Variants in CDH13 observed in about 807,000 individuals in gnomAD.
CDH13 encodes cadherin 13.
In CDH13, 24 loss-of-function variants were observed where a neutral mutation model predicts 63.8. That is an observed-to-expected ratio of 0.38 (90% CI 0.27 to 0.53). The LOEUF is 0.53. Ranked by LOEUF, CDH13 falls within the 20% of genes least tolerant of loss-of-function variation. The probability of loss-of-function intolerance (pLI) is 0.85; values close to 1 mark genes in which losing one functional copy is unlikely to be tolerated. For missense variants in CDH13, 1,049 were observed against 903.1 expected (o/e 1.16, Z -2.07); for synonymous variants, 503 against 355.3 (o/e 1.42, Z -4.67).
chr16:83,661,399 C>T lies in CDH13; in HGVS notation c.1102-9391C>T, dbSNP rs376224796. Among the ~76,000 whole-genome samples the T allele has an allele frequency of 4.0e-5, 6 of 151,560 alleles. No homozygotes were observed. In the East Asian group the frequency reaches 1.2e-3, roughly 29 times the overall value. On this transcript the variant is annotated intron_variant, in intron 8 of 13. Coordinates refer to ENST00000567109, the MANE Select transcript of CDH13 (RefSeq NM_001257.5). ...TAGGGATGCTGAGGCACAAGGATCA[C>T]TTGCACTTAGGAGGTCAAGGCTGCA...
intron 1 of CDH13, among the ~76,000 whole-genome samples, chr16:82,671,911 C>G (rs1256507149): frequency 6.6e-6 from 1 of 152,150 alleles, no homozygotes. Context: ...TGGCCAGCAT[C>G]ATTTCTCTGT....
intron 7 of CDH13, among the ~76,000 whole-genome samples, chr16:83,579,964 G>C (rs547706869): frequency 2.4e-4 from 36 of 152,224 alleles, no homozygotes; most frequent in African/African-American, 8.4e-4. Flanking sequence ...GGCTGTCCCA[G>C]GCAAAGGGAA....
intron 6 of CDH13, among the ~76,000 whole-genome samples, chr16:83,468,391 C>T (rs2073370697): frequency 1.3e-5 from 2 of 152,162 alleles, no homozygotes; most frequent in Non-Finnish European, 2.9e-5. Context: ...AGAGACCTCC[C>T]CTAGAGTGTC....
chr16:82,939,546 A>T (rs757868708), intron 2 of CDH13, among the ~76,000 whole-genome samples: 3 of 152,120 alleles, frequency 2.0e-5, no homozygotes, highest in Non-Finnish European at 4.4e-5. Context: ...ACCTAAAGCG[A>T]ATACTCAGGT....
At chr16:82,889,061 T>G (rs2040987282) in intron 2 of CDH13, among the ~76,000 whole-genome samples, 1 of 152,232 alleles carries the variant, frequency 6.6e-6, no homozygotes, top group African/African-American at 2.4e-5. Context: ...AGCTACTCTG[T>G]GAAGCCTTCT....
intron 10 of CDH13, among the ~76,000 whole-genome samples, chr16:83,746,045 G>A (rs1158513357): frequency 2.6e-5 from 4 of 152,180 alleles, no homozygotes; most frequent in African/African-American, 7.2e-5. Context: ...GTTGGTTTGT[G>A]CCTCAGAGTC....
intron 10 of CDH13, among the ~76,000 whole-genome samples, chr16:83,703,104 G>C (rs1906496071): frequency 6.6e-6 from 1 of 152,208 alleles, no homozygotes; most frequent in Non-Finnish European, 1.5e-5. Flanking sequence ...TTTGAATAGA[G>C]CTGCATCCCT....
At chr16:83,496,485 C>T (rs1283100623) in intron 7 of CDH13, among the ~76,000 whole-genome samples, 1 of 151,488 alleles carries the variant, frequency 6.6e-6, no homozygotes, top group Non-Finnish European at 1.5e-5. Flanking sequence ...GGATCCCTTC[C>T]TTACACCTTA....
intron 1 of CDH13, among the ~76,000 whole-genome samples, chr16:82,686,660 C>T (rs771511814): frequency 2.6e-4 from 39 of 152,300 alleles, no homozygotes; most frequent in Admixed American, 8.5e-4. Flanking sequence ...TTATGATTCC[C>T]GGAGATAACG....
At chr16:83,533,152 C>T (rs1218601147) in intron 7 of CDH13, among the ~76,000 whole-genome samples, 1 of 152,208 alleles carries the variant, frequency 6.6e-6, no homozygotes, top group Non-Finnish European at 1.5e-5. Context: ...TCTCCACTCA[C>T]TCTTATGCCA....
intron 1 of CDH13, among the ~76,000 whole-genome samples, chr16:82,791,492 T>A (rs1343579889): frequency 6.6e-6 from 1 of 152,184 alleles, no homozygotes; most frequent in Non-Finnish European, 1.5e-5. Context: ...CCCCTTTGGG[T>A]CCCCTCCCAT....
At chr16:83,226,759 A>T (rs990020702) in intron 5 of CDH13, among the ~76,000 whole-genome samples, 1 of 152,182 alleles carries the variant, frequency 6.6e-6, no homozygotes, top group African/African-American at 2.4e-5. Flanking sequence ...ATAACGGGGC[A>T]ACTGCTCAGA....
At chr16:83,717,559 T>A (rs1484596397) in intron 10 of CDH13, among the ~76,000 whole-genome samples, 1 of 152,250 alleles carries the variant, frequency 6.6e-6, no homozygotes, top group African/African-American at 2.4e-5. Context: ...AATGGGCACC[T>A]ACTATGAGCC....
At chr16:83,400,675 G>A (rs555648317) in intron 6 of CDH13, among the ~76,000 whole-genome samples, 3 of 152,286 alleles carry the variant, frequency 2.0e-5, no homozygotes, top group African/African-American at 4.8e-5. Context: ...GTGGGGTTGT[G>A]ATAGATCCCT....
intron 3 of CDH13, among the ~76,000 whole-genome samples, chr16:83,117,313 C>G (rs985141323): frequency 6.6e-6 from 1 of 152,192 alleles, no homozygotes; most frequent in Non-Finnish European, 1.5e-5. Context: ...AGCTGCCACA[C>G]TGAAGCTCCG....
chr16:83,664,803 C>T (rs1913782526), intron 8 of CDH13, among the ~76,000 whole-genome samples: 1 of 152,028 alleles, frequency 6.6e-6, no homozygotes, highest in African/African-American at 2.4e-5. Flanking sequence ...ACAGGTACAG[C>T]CTTGGATGTA....
At chr16:83,697,441 G>C (rs1259847002) in intron 10 of CDH13, among the ~76,000 whole-genome samples, 4 of 152,246 alleles carry the variant, frequency 2.6e-5, no homozygotes, top group African/African-American at 9.6e-5. Flanking sequence ...GCTGCGCCAT[G>C]CCTTACAGAA....
intron 1 of CDH13, among the ~76,000 whole-genome samples, chr16:82,758,567 C>G (rs1046768304): frequency 6.6e-6 from 1 of 152,110 alleles, no homozygotes; most frequent in African/African-American, 2.4e-5. Context: ...TAGATGGGTG[C>G]TCTTAGGTCA....
At chr16:82,881,169 C>A (rs1460366711) in intron 2 of CDH13, among the ~76,000 whole-genome samples, 3 of 152,046 alleles carry the variant, frequency 2.0e-5, no homozygotes, top group Admixed American at 6.6e-5. Flanking sequence ...TGGGCTTATC[C>A]TAATCTTTGT....
Sources: gnomAD v4.1 joint callset for allele counts (sites outside exome capture counted in the v4.1 genomes callset) on GRCh38, gnomAD v4.1.1 for gene constraint, MANE v1.5 for transcripts, NCBI Gene and HGNC (gene_info 2026-07-23, HGNC 2026-07-21) for gene names.